TENM3: variants seen among roughly 807,000 people sequenced by gnomAD.
TENM3 encodes teneurin-3.
In TENM3, 63 loss-of-function variants were observed where a neutral mutation model predicts 255.1. The observed-to-expected ratio is 0.25, with a 90% confidence interval of 0.20 to 0.30. TENM3 has a LOEUF of 0.30. Ranked by LOEUF, TENM3 falls within the 10% of genes least tolerant of loss-of-function variation. The probability of loss-of-function intolerance (pLI) is 1.00; values close to 1 mark genes in which losing one functional copy is unlikely to be tolerated. For synonymous variants in TENM3, 1,306 were observed against 1,322.3 expected, an observed-to-expected ratio of 0.99 and a Z score of 0.27; for missense variants, 2,929 against 3,461.1, an observed-to-expected ratio of 0.85 and a Z score of 3.86.
the TENM3 span, among the ~76,000 whole-genome samples, chr4:181,518,707 G>A: frequency 2.4e-4 from 36 of 152,306 alleles, no homozygotes; most frequent in African/African-American, 7.0e-4. Context: ...GATTACAGGC[G>A]TGAGCCACCT....
the TENM3 span, among the ~76,000 whole-genome samples, chr4:182,046,473 G>T: frequency 6.6e-6 from 1 of 151,740 alleles, no homozygotes; most frequent in Non-Finnish European, 1.5e-5. Flanking sequence ...GGAGGCTGAG[G>T]TGGGAGGATC....
chr4:182,598,475 G>A, intron 3 of TENM3, among the ~76,000 whole-genome samples: 1 of 152,280 alleles, frequency 6.6e-6, no homozygotes, highest in South Asian at 2.1e-4. Flanking sequence ...CCTAAGGAAA[G>A]CAGCAGCTGC....
the TENM3 span, among the ~76,000 whole-genome samples, chr4:182,021,253 A>G: frequency 0.036 from 5,496 of 152,220 alleles, 312 homozygotes; most frequent in African/African-American, 0.12. Flanking sequence ...GTTCTTCTTC[A>G]TGGCTGTGTA....
the TENM3 span, among the ~76,000 whole-genome samples, chr4:181,709,425 T>C: frequency 6.6e-6 from 1 of 152,152 alleles, no homozygotes; most frequent in Non-Finnish European, 1.5e-5. Flanking sequence ...CCCCAGGGTA[T>C]GAGGATAGAG....
intron 4 of TENM3, among the ~76,000 whole-genome samples, chr4:182,621,381 G>A (rs915197747): frequency 3.3e-5 from 5 of 151,236 alleles, no homozygotes; most frequent in Middle Eastern, 3.4e-3. Context: ...ATACACAATC[G>A]GATTGAAATC....
chr4:182,284,566 C>T (rs1402059919), intron 1 of TENM3, among the ~76,000 whole-genome samples: 3 of 152,150 alleles, frequency 2.0e-5, no homozygotes, highest in Non-Finnish European at 2.9e-5. Flanking sequence ...TGACACTCCA[C>T]TGCACCCTGA....
chr4:182,471,627 C>CTG (rs35316767), intron 3 of TENM3, among the ~76,000 whole-genome samples: 6,613 of 149,772 alleles, frequency 0.044, 357 homozygotes, highest in African/African-American at 0.13. Context: ...GCACATGCCT[C>CTG]TGTGTGTGTG....
rs892835691 is a variant in TENM3 at position 182,201,688 on chromosome 4, C to T, written c.-76+56934C>T. Among the ~76,000 whole-genome samples, 6 of 152,088 alleles carry T rather than the reference C, an allele frequency of 3.9e-5. No individual in the cohort carries two copies. The East Asian group carries it at 1.2e-3, about 29-fold the overall frequency. On this transcript the variant is annotated intron_variant, in intron 1 of 2. Coordinates refer to the TENM3 transcript ENST00000512480. ...TGGCAGGGTGGGGGGTCTGGAAAGGCAAGCAGAGCTACTGGAAGCCCCCCT... is the reference window on the plus strand; with the variant it reads ...TGGCAGGGTGGGGGGTCTGGAAAGGTAAGCAGAGCTACTGGAAGCCCCCCT...
the TENM3 span, among the ~76,000 whole-genome samples, chr4:181,612,451 T>G: frequency 6.6e-6 from 1 of 151,750 alleles, no homozygotes; most frequent in African/African-American, 2.4e-5. Context: ...AACACCTAAT[T>G]AGAAACAGCT....
the TENM3 span, among the ~76,000 whole-genome samples, chr4:181,691,809 G>A: frequency 2.2e-4 from 34 of 152,244 alleles, no homozygotes; most frequent in African/African-American, 3.9e-4. Flanking sequence ...AACCAGTTCA[G>A]TATTTTAACT....
At chr4:182,400,201 G>C (rs923384486) in intron 3 of TENM3, among the ~76,000 whole-genome samples, 1 of 152,210 alleles carries the variant, frequency 6.6e-6, no homozygotes, top group East Asian at 1.9e-4. Context: ...TCATTGGAAA[G>C]CAGAACACAC....
At chr4:181,600,797 G>A in the TENM3 span, among the ~76,000 whole-genome samples, 282 of 150,870 alleles carry the variant, frequency 1.9e-3, 2 homozygotes, top group Admixed American at 0.013. Flanking sequence ...ATTCTCATTA[G>A]CACCATTTTC....
chr4:181,596,587 C>T, the TENM3 span, among the ~76,000 whole-genome samples: 1 of 152,002 alleles, frequency 6.6e-6, no homozygotes, highest in Non-Finnish European at 1.5e-5. Flanking sequence ...AAAGTAACCT[C>T]TTTATTTGTA....
the TENM3 span, among the ~76,000 whole-genome samples, chr4:181,903,303 A>G: frequency 1.3e-5 from 2 of 152,196 alleles, no homozygotes; most frequent in East Asian, 3.9e-4. Context: ...GAAAAAAACA[A>G]CCTTGGAGGA....
chr4:182,131,809 G>A, the TENM3 span, among the ~76,000 whole-genome samples: 10 of 152,276 alleles, frequency 6.6e-5, 1 homozygote, highest in African/African-American at 2.4e-4. Flanking sequence ...ATTATTATCT[G>A]CCATTCACTC....
At chr4:182,608,683 C>A (rs1748669093) in intron 4 of TENM3, among the ~76,000 whole-genome samples, 1 of 152,134 alleles carries the variant, frequency 6.6e-6, no homozygotes, top group Non-Finnish European at 1.5e-5. Flanking sequence ...TTCTGCAGGC[C>A]CGGGTTTGGG....
rs574834875 is a variant in TENM3, at chr4:182,783,537, G to T, written c.5305-5556G>T. 3.9e-4 allele frequency among the ~76,000 whole-genome samples: 59 copies of T among 151,204 alleles called. No individual in the cohort carries two copies. The East Asian group carries it at 0.011, about 28-fold the overall frequency. ...GTGAATCTGACAATTATGTGTCTTG[G>T]AGTTGCTCTTCTCGAGGAGTATCTT... On this transcript the variant is annotated intron_variant, in intron 24 of 27. Transcript: ENST00000511685.
At chr4:182,750,492 C>G (rs546538304) in intron 19 of TENM3, among the ~76,000 whole-genome samples, 1 of 151,982 alleles carries the variant, frequency 6.6e-6, no homozygotes, top group Admixed American at 6.5e-5. Flanking sequence ...AATAGAATCT[C>G]TTACAGGAAT....
intron 3 of TENM3, among the ~76,000 whole-genome samples, chr4:182,536,449 T>A (rs1474040482): frequency 6.6e-6 from 1 of 152,216 alleles, no homozygotes; most frequent in Non-Finnish European, 1.5e-5. Context: ...TTAGCTTCAG[T>A]GAAATTCCAG....
Sources: allele counts gnomAD v4.1 joint callset (sites outside exome capture counted in the v4.1 genomes callset), GRCh38; gene constraint gnomAD v4.1.1; transcripts MANE v1.5; gene names NCBI Gene and HGNC (gene_info 2026-07-23, HGNC 2026-07-21).